ATP6V1E1: variants seen among roughly 807,000 people sequenced by gnomAD.
The protein encoded by ATP6V1E1 is ATPase H+ transporting V1 subunit E1, also known as V-type proton ATPase subunit E 1.
In ATP6V1E1, 21 loss-of-function variants were observed where a neutral mutation model predicts 35.2. The observed-to-expected ratio is 0.60, with a 90% CI of 0.42 to 0.86. The LOEUF (loss-of-function observed/expected upper bound fraction) is 0.86, where lower values mean the gene tolerates loss of function less well. ATP6V1E1 is among the 40% of genes least tolerant of loss of function. The probability of loss-of-function intolerance (pLI) is 0.00; values close to 1 mark genes in which losing one functional copy is unlikely to be tolerated. For synonymous variants in ATP6V1E1, 83 were observed against 87.8 expected (o/e 0.95, Z 0.30); for missense variants, 183 against 272.6 (o/e 0.67, Z 2.32).
In ATP6V1E1 at chr22:17,619,624, G is replaced by A. The variant is rs549836521; in HGVS notation, c.34-98C>T. 8 of 1,056,932 alleles carry A rather than the reference G, an allele frequency of 7.6e-6. No individual in the cohort carries two copies. The South Asian group carries it at 1.3e-4, about 17-fold the overall frequency. 65.5% of individuals were successfully genotyped at this position (1,056,932 alleles called of 1,614,324 possible). On this transcript the variant is annotated intron_variant, in intron 1 of 8. Coordinates refer to ENST00000253413, the MANE Select transcript of ATP6V1E1 (RefSeq NM_001696.4). ...ATCATAGGTAGGTGCAGTGGCTCAC[G>A]CCCGTAATCCTACCACTCTGGGGGG...
chr22:17,596,998 T>C (rs1177973008), intron 7 of ATP6V1E1, among the ~76,000 whole-genome samples: 1 of 151,888 alleles, frequency 6.6e-6, no homozygotes, highest in Non-Finnish European at 1.5e-5. Flanking sequence ...ATCCCAGCAC[T>C]TTGGGAGGCC....
rs559740418 is a variant in ATP6V1E1, at chr22:17,596,751, C to A, written c.530+1443G>T. Among the ~76,000 whole-genome samples the A allele has an allele frequency of 4.6e-4, 70 of 152,164 alleles. 1 individual carries two copies. Among genetic ancestry groups the A allele is most frequent in the African/African-American group, 1.7e-3 (70 of 41,446 alleles). ...ACAGCATATCTTATGAGTTTATATA[C>A]TTTTTCCATTTACAGAGCATTTTCA... On this transcript the variant is annotated intron_variant, in intron 7 of 8. Coordinates refer to ENST00000253413, the MANE Select transcript of ATP6V1E1 (RefSeq NM_001696.4).
chr22:17,621,917 A>G (rs2057879681), intron 1 of ATP6V1E1, among the ~76,000 whole-genome samples: 2 of 152,176 alleles, frequency 1.3e-5, no homozygotes, highest in South Asian at 4.1e-4. Flanking sequence ...GAGGCTAGGA[A>G]CTTGTTAAAG....
At chr22:17,600,360 C>T (rs532975140) in intron 5 of ATP6V1E1, among the ~76,000 whole-genome samples, 20 of 152,152 alleles carry the variant, frequency 1.3e-4, no homozygotes, top group African/African-American at 4.8e-4. Context: ...TGGCTTGAAC[C>T]CAGGAGACGG....
intron 7 of ATP6V1E1, among the ~76,000 whole-genome samples, chr22:17,596,847 A>G (rs1411294981): frequency 6.6e-6 from 1 of 152,058 alleles, no homozygotes; most frequent in Non-Finnish European, 1.5e-5. Flanking sequence ...CCTATTTTAC[A>G]TATGATGAAT....
chr22:17,598,436 C>A, intron 6 of ATP6V1E1, 148 bp from the exon 7 acceptor site: 1 of 637,884 alleles, frequency 1.6e-6, no homozygotes, highest in Non-Finnish European at 2.8e-6. Flanking sequence ...AACGGCACGG[C>A]CACTGAGGAG....
intron 7 of ATP6V1E1, chr22:17,594,864 C>T: frequency 3.5e-6 from 1 of 287,330 alleles, no homozygotes; most frequent in Non-Finnish European, 6.5e-6. Context: ...ATCACACATC[C>T]TCCCCTATAT....
chr22:17,621,112 G>A (rs7288016), intron 1 of ATP6V1E1, among the ~76,000 whole-genome samples: 8,234 of 151,932 alleles, frequency 0.054, 276 homozygotes, highest in East Asian at 0.1. Flanking sequence ...TCATCGGAGG[G>A]ACTACCATAG....
chr22:17,598,370 G>T, intron 6 of ATP6V1E1, 82 bp from the exon 7 acceptor site: 1 of 1,098,588 alleles, frequency 9.1e-7, no homozygotes, highest in African/African-American at 1.5e-5. Context: ...ATACAAGCAA[G>T]GATACCTCCA....
chr22:17,606,339 C>A (rs1224537244), intron 4 of ATP6V1E1, among the ~76,000 whole-genome samples: 2 of 151,450 alleles, frequency 1.3e-5, no homozygotes, highest in Non-Finnish European at 2.9e-5. Context: ...TTAGAAATAG[C>A]AAAATCCACT....
intron 4 of ATP6V1E1, among the ~76,000 whole-genome samples, chr22:17,609,571 C>G (rs1203641871): frequency 6.6e-6 from 1 of 150,744 alleles, no homozygotes; most frequent in Non-Finnish European, 1.5e-5. Context: ...TGGGTTCACG[C>G]CTTTCTCCTG....
rs1167765001 is a variant in ATP6V1E1, at chr22:17,592,367, G to C, written c.*307C>G. On this transcript the variant is annotated 3_prime_UTR_variant, in exon 9 of 9. Coordinates refer to ENST00000253413, the MANE Select transcript of ATP6V1E1 (RefSeq NM_001696.4). ...CACCAAATACATCACCTTTAGGCCA[G>C]ACGGAGAGTGGAGACCCAGGAAGCC... 2.6e-6 allele frequency: 1 copy of C among 388,342 alleles called. No homozygotes were observed. The highest frequency in any genetic ancestry group is 4.8e-6 in the Non-Finnish European group (1 of 208,282). The allele number at this position is 388,342 out of a possible 1,614,324, so 24.1% of individuals were successfully genotyped here.
In ATP6V1E1 at chr22:17,592,604, G is replaced by C; in HGVS notation, c.*70C>G. 1 of 1,482,484 alleles carries C rather than the reference G, an allele frequency of 6.7e-7. No individual in the cohort carries two copies. Among genetic ancestry groups the C allele is most frequent in the Non-Finnish European group, 9.4e-7 (1 of 1,061,202 alleles). The allele number at this position is 1,482,484 out of a possible 1,614,324, so 91.8% of individuals were successfully genotyped here. A position where few individuals can be genotyped will look rare whatever the true frequency, so the allele number is the denominator to read the frequency against. ...AAGAGGAAGCTACAGAGACATTCGT[G>C]TTTCTTCAAATATCAGAAGCTTCCA... On this transcript the variant is annotated 3_prime_UTR_variant, in exon 9 of 9. Coordinates refer to ENST00000253413, the MANE Select transcript of ATP6V1E1 (RefSeq NM_001696.4).
chr22:17,608,481 A>G (rs1009447160), intron 4 of ATP6V1E1, among the ~76,000 whole-genome samples: 4 of 152,218 alleles, frequency 2.6e-5, no homozygotes, highest in Admixed American at 1.3e-4. Context: ...GCTGGAATGC[A>G]GTGGCATAAT....
intron 1 of ATP6V1E1, among the ~76,000 whole-genome samples, chr22:17,624,423 G>A (rs547377502): frequency 2.6e-5 from 4 of 151,898 alleles, no homozygotes; most frequent in South Asian, 2.1e-4. Context: ...GTGTGGTGGC[G>A]GGCACCAGTA....
At chr22:17,610,124 T>TAA (rs11438713) in intron 4 of ATP6V1E1, among the ~76,000 whole-genome samples, 7 of 151,296 alleles carry the variant, frequency 4.6e-5, no homozygotes, top group South Asian at 4.2e-4. Context: ...CCATGCCTCT[T>TAA]AAAAAAAAAT....
At chr22:17,626,541 A>ATTT (rs750597664) in intron 1 of ATP6V1E1, among the ~76,000 whole-genome samples, 1 of 133,270 alleles carries the variant, frequency 7.5e-6, no homozygotes, top group Admixed American at 7.5e-5. Flanking sequence ...ACACCTGGCA[A>ATTT]TTTTTTTTTT....
At chr22:17,596,111 G>A (rs938970994) in intron 7 of ATP6V1E1, among the ~76,000 whole-genome samples, 1 of 151,200 alleles carries the variant, frequency 6.6e-6, no homozygotes, top group African/African-American at 2.5e-5. Context: ...CAGCCTGGGT[G>A]AGAGTGAGAC....
intron 2 of ATP6V1E1, among the ~76,000 whole-genome samples, chr22:17,614,689 C>T (rs1164437133): frequency 6.6e-6 from 1 of 150,576 alleles, no homozygotes; most frequent in Admixed American, 6.6e-5. Context: ...AAAAAGTTGC[C>T]TGGGCACGGT....
Sources: allele counts gnomAD v4.1 joint callset (sites outside exome capture counted in the v4.1 genomes callset), GRCh38; gene constraint gnomAD v4.1.1; transcripts MANE v1.5; gene names NCBI Gene and HGNC (gene_info 2026-07-23, HGNC 2026-07-21).